Variants in USP7 observed in about 807,000 individuals in gnomAD.
The protein encoded by USP7 is ubiquitin C-terminal hydrolase 7.
In USP7, 9 loss-of-function variants were observed where a neutral mutation model predicts 162.9. The observed-to-expected ratio is 0.06, with a 90% CI of 0.03 to 0.10. The LOEUF (loss-of-function observed/expected upper bound fraction) is 0.10, where lower values mean the gene tolerates loss of function less well. USP7 is among the 10% of genes least tolerant of loss of function. The pLI is 1.00. For synonymous variants in USP7, 562 were observed against 475.9 expected (o/e 1.18, Z -2.35); for missense variants, 715 against 1,373.7 (o/e 0.52, Z 7.58).
intron 2 of USP7, among the ~76,000 whole-genome samples, chr16:8,925,361 C>A (rs1279870050): frequency 6.6e-6 from 1 of 152,166 alleles, no homozygotes; most frequent in East Asian, 1.9e-4. Flanking sequence ...CAGAACTGCA[C>A]AGAAGCAACC....
intron 2 of USP7, chr16:8,929,693 TAATTTGATA>T: frequency 2.5e-6 from 1 of 397,586 alleles, no homozygotes; most frequent in East Asian, 7.4e-5. Context: ...TTGAGGTCAC[TAATTTGATA>T]AATTTAAAGA....
chr16:8,920,070 G>A (rs572789283), intron 5 of USP7, among the ~76,000 whole-genome samples: 5 of 152,270 alleles, frequency 3.3e-5, no homozygotes, highest in African/African-American at 9.6e-5. Context: ...TTTATGTACC[G>A]GTCTTAGCTC....
At chr16:8,940,467 A>G (rs1898987471) in intron 1 of USP7, among the ~76,000 whole-genome samples, 1 of 152,194 alleles carries the variant, frequency 6.6e-6, no homozygotes, top group Non-Finnish European at 1.5e-5. Context: ...GGGCGCCACC[A>G]TCAAGGCTGT....
At chr16:8,951,023 C>A (rs1899522807) in intron 1 of USP7, among the ~76,000 whole-genome samples, 1 of 152,188 alleles carries the variant, frequency 6.6e-6, no homozygotes, top group Non-Finnish European at 1.5e-5. Flanking sequence ...GAATTCACAG[C>A]TCTTGTGCAT....
chr16:8,957,741 A>G (rs1440832601), intron 1 of USP7, among the ~76,000 whole-genome samples: 1 of 151,594 alleles, frequency 6.6e-6, no homozygotes, highest in East Asian at 1.9e-4. Flanking sequence ...AGAGCAACAG[A>G]GCAAGACCCT....
intron 1 of USP7, among the ~76,000 whole-genome samples, chr16:8,958,290 A>G (rs1215503423): frequency 6.6e-6 from 1 of 152,206 alleles, no homozygotes; most frequent in African/African-American, 2.4e-5. Flanking sequence ...ATTCTGAACC[A>G]CTTTCCTGGG....
In USP7 at chr16:8,921,196, T is replaced by C. The variant is rs1207459669; in HGVS notation, c.483A>G (p.Lys161=). The change falls in exon 4 of 31, where the codon AAA becomes AAG. Residue 161 remains lysine, a synonymous_variant. Coordinates refer to ENST00000344836, the MANE Select transcript of USP7 (RefSeq NM_003470.3). ...SRRISHLFFH[K]ENDWGFSNFM... ...AATTGGAAAATCCCCAATCATTTTC[T>C]TTATGGAAGAACAAATGACTAATAC... 1 of 1,613,960 alleles carries C rather than the reference T, an allele frequency of 6.2e-7. No individual in the cohort carries two copies. Among genetic ancestry groups the C allele is most frequent in the Non-Finnish European group, 8.5e-7 (1 of 1,180,032 alleles).
intron 1 of USP7, among the ~76,000 whole-genome samples, chr16:8,951,959 C>A (rs796735855): frequency 6.6e-6 from 1 of 152,222 alleles, no homozygotes; most frequent in South Asian, 2.1e-4. Flanking sequence ...ATATTCAAAG[C>A]ATGTGGGGAA....
chr16:8,894,533 G>GGC lies in USP7; in HGVS notation c.3202+16_3202+17insGC. ...TCTGAAACCCACACCAGCCCCCGGGGGGGGGAGAACCCTTACCGGGCTGTG... is the reference window on the plus strand; with the variant it reads ...TCTGAAACCCACACCAGCCCCCGGGGGCGGGGGAGAACCCTTACCGGGCTGTG... On this transcript the variant is annotated intron_variant, in intron 30 of 30. Coordinates refer to ENST00000344836, the MANE Select transcript of USP7 (RefSeq NM_003470.3). 1 of 1,608,856 alleles carries GGC rather than the reference G, an allele frequency of 6.2e-7. No individual in the cohort carries two copies. Among genetic ancestry groups the GGC allele is most frequent in the Non-Finnish European group, 8.5e-7 (1 of 1,178,542 alleles).
intron 2 of USP7, 101 bp downstream of exon 2, chr16:8,930,190 CAG>C: frequency 1.2e-6 from 1 of 838,590 alleles, no homozygotes; most frequent in East Asian, 2.7e-5. Context: ...TAGCTACGCT[CAG>C]AAGTACCCAA....
chr16:8,932,855 T>C (rs1297729923), intron 1 of USP7, among the ~76,000 whole-genome samples: 3 of 152,060 alleles, frequency 2.0e-5, no homozygotes, highest in African/African-American at 7.2e-5. Context: ...AAGTAACATG[T>C]ATATTTAAAC....
chr16:8,907,668 C>G (rs948346357), intron 12 of USP7, among the ~76,000 whole-genome samples: 3 of 152,040 alleles, frequency 2.0e-5, no homozygotes, highest in African/African-American at 7.2e-5. Context: ...ATAGTGAAAC[C>G]CTGTCTCTAC....
At chr16:8,913,391 A>T (rs918150181) in intron 10 of USP7, among the ~76,000 whole-genome samples, 2 of 151,980 alleles carry the variant, frequency 1.3e-5, no homozygotes, top group African/African-American at 4.8e-5. Context: ...AGGAGAGAAG[A>T]GAAGTGAAGT....
At chr16:8,897,665 C>T (rs2061704104) in intron 25 of USP7, among the ~76,000 whole-genome samples, 1 of 113,042 alleles carries the variant, frequency 8.8e-6, no homozygotes, top group African/African-American at 3.5e-5. Context: ...AGCTCAAGAC[C>T]AGTCTGGGCA....
Position 8,904,563 on chromosome 16 carries a change from C to T in USP7, c.1576G>A (p.Glu526Lys). 6.2e-7 allele frequency: 1 copy of T among 1,613,924 alleles called. No individual in the cohort carries two copies. The highest frequency in any genetic ancestry group is 8.5e-7 in the Non-Finnish European group (1 of 1,179,982). Reference protein sequence around the residue: ...LVYIRESKLSEVLQAVTDHDI... With the variant: ...LVYIRESKLSKVLQAVTDHDI... ...TGGTCGGTGACCGCCTGTAAAACTT[C>T]ACCTGCAGGACAAAGGCATCCTCTT... Residue 526 changes from glutamate (E) to lysine (K), a missense_variant and splice_region_variant, in exon 15 of 31, where the codon GAA (glutamate) becomes AAA (lysine). This residue lies in a region of USP7 where 197 missense variants were observed against 306.5 expected (regional missense o/e 0.64). Coordinates refer to ENST00000344836, the MANE Select transcript of USP7 (RefSeq NM_003470.3).
chr16:8,959,483 G>T (rs749402935), intron 1 of USP7, among the ~76,000 whole-genome samples: 1 of 152,082 alleles, frequency 6.6e-6, no homozygotes, highest in Non-Finnish European at 1.5e-5. Flanking sequence ...CTGGGGAATC[G>T]CTTTGAATCA....
At chr16:8,948,869 G>C (rs1225642422) in intron 1 of USP7, among the ~76,000 whole-genome samples, 3 of 152,154 alleles carry the variant, frequency 2.0e-5, no homozygotes, top group Non-Finnish European at 4.4e-5. Context: ...GAGGCTGATG[G>C]GAGAGGATGG....
chr16:8,916,398 T>G, intron 8 of USP7, 104 bp downstream of exon 8: 1 of 1,194,752 alleles, frequency 8.4e-7, no homozygotes, highest in South Asian at 1.6e-5. Context: ...TAAACAAAGA[T>G]GGGCATTTTC....
At position 8,945,606 on chromosome 16, in the gene USP7, G is replaced by C. The variant is rs1377027412; in HGVS notation, c.80-15209C>G. The stretch of plus-strand genomic sequence containing the variant: ...GGGGACATACCGTGCCCATGGAGTG[G>C]GAGACAGCACAGTAAAGATGTTCTC... On this transcript the variant is annotated intron_variant, in intron 1 of 30. Coordinates refer to ENST00000344836, the MANE Select transcript of USP7 (RefSeq NM_003470.3). 2.6e-5 allele frequency among the ~76,000 whole-genome samples: 4 copies of C among 152,154 alleles called. No homozygotes were observed. In the South Asian group the frequency reaches 6.2e-4, roughly 24 times the overall value.
Sources: allele counts gnomAD v4.1 joint callset (sites outside exome capture counted in the v4.1 genomes callset), GRCh38; gene constraint gnomAD v4.1.1; regional missense constraint gnomAD v4.1.1; transcripts MANE v1.5; gene names NCBI Gene and HGNC (gene_info 2026-07-23, HGNC 2026-07-21).